C1orf87: variants seen among roughly 807,000 people sequenced by gnomAD.
The protein encoded by C1orf87 is uncharacterized protein C1orf87.
In C1orf87, 58 loss-of-function variants were observed where a neutral mutation model predicts 60.5. That is an observed-to-expected ratio of 0.96 (90% CI 0.78 to 1.19). The LOEUF (loss-of-function observed/expected upper bound fraction) is 1.19, where lower values mean the gene tolerates loss of function less well. Among genes scored for constraint, C1orf87 ranks in the 50% most tolerant of loss-of-function variants. C1orf87 has a pLI of 0.00. For synonymous variants in C1orf87, 236 were observed against 227.4 expected (o/e 1.04, Z -0.34); for missense variants, 673 against 638.6 (o/e 1.05, Z -0.58).
At chr1:60,052,104 G>C (rs970416156) in intron 3 of C1orf87, among the ~76,000 whole-genome samples, 2 of 152,124 alleles carry the variant, frequency 1.3e-5, no homozygotes, top group African/African-American at 2.4e-5. Context: ...TGTGGAGAAG[G>C]AACAAGGGAA....
intron 3 of C1orf87, among the ~76,000 whole-genome samples, chr1:60,041,838 C>T (rs1280564191): frequency 6.6e-6 from 1 of 152,170 alleles, no homozygotes; most frequent in Non-Finnish European, 1.5e-5. Context: ...CAGATACCTC[C>T]TTTATTTAAC....
At chr1:60,021,583 C>T (rs912922811) in intron 8 of C1orf87, among the ~76,000 whole-genome samples, 1 of 152,098 alleles carries the variant, frequency 6.6e-6, no homozygotes, top group Non-Finnish European at 1.5e-5. Context: ...ATCCCCAACC[C>T]CCAATTCAGT....
chr1:60,061,123 A>T (rs1645493736), intron 2 of C1orf87, among the ~76,000 whole-genome samples: 1 of 152,168 alleles, frequency 6.6e-6, no homozygotes, highest in Non-Finnish European at 1.5e-5. Flanking sequence ...GGTCTATGGG[A>T]ACGAGGAGCA....
At chr1:59,997,858 A>T (rs1172947098) in intron 10 of C1orf87, 42 bp from the exon 11 acceptor site, 1 of 1,582,760 alleles carries the variant, frequency 6.3e-7, no homozygotes, top group East Asian at 2.3e-5. Context: ...TTCACCACCC[A>T]GAGCTTCTCC....
At chr1:60,015,436 A>G (rs1404017031) in intron 8 of C1orf87, among the ~76,000 whole-genome samples, 1 of 152,192 alleles carries the variant, frequency 6.6e-6, no homozygotes, top group Non-Finnish European at 1.5e-5. Flanking sequence ...ATAGCAGTCC[A>G]AATGGTCTAA....
At chr1:60,027,622 T>C (rs1645208541) in intron 7 of C1orf87, among the ~76,000 whole-genome samples, 1 of 152,202 alleles carries the variant, frequency 6.6e-6, no homozygotes, top group Non-Finnish European at 1.5e-5. Context: ...AAAAAGCTCA[T>C]CTTCGTTTTT....
At chr1:60,067,265 A>G (rs185207669) in intron 2 of C1orf87, among the ~76,000 whole-genome samples, 101 of 152,256 alleles carry the variant, frequency 6.6e-4, no homozygotes, top group African/African-American at 2.3e-3. Context: ...GGTTGAACTA[A>G]TTTACACTCC....
At chr1:60,031,767 T>C (rs1178830794) in intron 7 of C1orf87, among the ~76,000 whole-genome samples, 2 of 152,204 alleles carry the variant, frequency 1.3e-5, no homozygotes, top group Admixed American at 6.5e-5. Flanking sequence ...TTGTTTATGT[T>C]TCATTCTATG....
intron 2 of C1orf87, among the ~76,000 whole-genome samples, chr1:60,065,769 A>C (rs1645541686): frequency 6.6e-6 from 1 of 152,184 alleles, no homozygotes; most frequent in African/African-American, 2.4e-5. Context: ...AGGATTCAAA[A>C]ATGACAGAAT....
At chr1:60,071,443 C>T (rs1035747594) in intron 2 of C1orf87, among the ~76,000 whole-genome samples, 5 of 152,192 alleles carry the variant, frequency 3.3e-5, no homozygotes, top group African/African-American at 1.2e-4. Context: ...AATTTCACAC[C>T]TCTCAGCACT....
intron 2 of C1orf87, among the ~76,000 whole-genome samples, chr1:60,069,661 T>A (rs1218396836): frequency 2.6e-5 from 4 of 152,164 alleles, no homozygotes; most frequent in Non-Finnish European, 4.4e-5. Context: ...CAGTCTTAGA[T>A]CTTAATAACA....
chr1:60,001,452 C>T lies in C1orf87; in HGVS notation c.1193-296G>A, dbSNP rs1024820855. ...ATGAGAAAATAGGAAAGTATTTAAA[C>T]TTCTTTGGAGGCCGGGGTAACAGTG... On this transcript the variant is annotated intron_variant, in intron 9 of 11. Transcript: ENST00000371201. Among the ~76,000 whole-genome samples, 9 of 152,136 alleles carry T rather than the reference C, an allele frequency of 5.9e-5. No homozygotes were observed. The South Asian group carries it at 1.7e-3, about 28-fold the overall frequency.
chr1:59,994,250 T>G (rs1205465473), intron 11 of C1orf87, among the ~76,000 whole-genome samples: 1 of 151,962 alleles, frequency 6.6e-6, no homozygotes, highest in East Asian at 1.9e-4. Context: ...GAGTCTGGAT[T>G]TGAATCTAAA....
At chr1:60,015,601 C>T (rs1645119488) in intron 8 of C1orf87, among the ~76,000 whole-genome samples, 1 of 152,172 alleles carries the variant, frequency 6.6e-6, no homozygotes, top group African/African-American at 2.4e-5. Flanking sequence ...TGGCCACTTT[C>T]TTGCTGTGTT....
At chr1:60,026,492 G>A (rs749837206) in intron 7 of C1orf87, among the ~76,000 whole-genome samples, 4 of 151,730 alleles carry the variant, frequency 2.6e-5, no homozygotes, top group Non-Finnish European at 5.9e-5. Flanking sequence ...AAAGAAGAGA[G>A]AAGAGGGGAG....
chr1:60,048,493 G>A (rs1028681473), intron 3 of C1orf87, among the ~76,000 whole-genome samples: 3 of 152,094 alleles, frequency 2.0e-5, no homozygotes, highest in African/African-American at 7.2e-5. Flanking sequence ...AAGTTTTAGG[G>A]CAATTTGTTG....
At chr1:60,037,565 AACTC>A (rs1211744490) in intron 6 of C1orf87, among the ~76,000 whole-genome samples, 1 of 152,148 alleles carries the variant, frequency 6.6e-6, no homozygotes, top group East Asian at 1.9e-4. Flanking sequence ...CTTGGTAACG[AACTC>A]ACTCCTGAGA....
At chr1:60,040,273 T>G in intron 4 of C1orf87, 93 bp from the exon 5 acceptor site, 1 of 1,479,220 alleles carries the variant, frequency 6.8e-7, no homozygotes, top group Non-Finnish European at 9.0e-7. Context: ...GGCTGGTATC[T>G]GAGTGTCCAC....
chr1:60,022,973 G>A (rs1645174354), intron 8 of C1orf87, among the ~76,000 whole-genome samples: 1 of 152,094 alleles, frequency 6.6e-6, no homozygotes, highest in Non-Finnish European at 1.5e-5. Flanking sequence ...TCAGAACGGT[G>A]CACGACTTAA....
Sources: allele counts gnomAD v4.1 joint callset (sites outside exome capture counted in the v4.1 genomes callset), GRCh38; gene constraint gnomAD v4.1.1; transcripts MANE v1.5; gene names NCBI Gene and HGNC (gene_info 2026-07-23, HGNC 2026-07-21).